The following RABGAP1L variants were observed in gnomAD, a reference collection of about 807,000 sequenced individuals.
The protein encoded by RABGAP1L is rab GTPase-activating protein 1-like.
RABGAP1L carries 63 observed loss-of-function variants against 137.7 expected under a neutral mutation model. The ratio of observed to expected loss-of-function variants is 0.46; its 90% CI spans 0.37 to 0.56. RABGAP1L has a LOEUF of 0.56. RABGAP1L is among the 20% of genes least tolerant of loss of function. The probability of loss-of-function intolerance (pLI) is 0.00; values close to 1 mark genes in which losing one functional copy is unlikely to be tolerated. For missense variants in RABGAP1L, 1,095 were observed against 1,244.0 expected (o/e 0.88, Z 1.80); for synonymous variants, 431 against 433.7 (o/e 0.99, Z 0.08).
chr1:174,500,672 A>G (rs1270895673), intron 13 of RABGAP1L, among the ~76,000 whole-genome samples: 2 of 152,214 alleles, frequency 1.3e-5, no homozygotes, highest in Admixed American at 6.5e-5. Context: ...TTAAGTGTCT[A>G]TATGACAAGT....
intron 19 of RABGAP1L, among the ~76,000 whole-genome samples, chr1:174,953,035 C>CAAAAAAAAA (rs34788853): frequency 4.1e-5 from 4 of 97,342 alleles, no homozygotes; most frequent in Non-Finnish European, 6.5e-5. Context: ...GGGTGGCATG[C>CAAAAAAAAA]AAAAAAAAAA....
intron 13 of RABGAP1L, among the ~76,000 whole-genome samples, chr1:174,425,708 A>G (rs536297174): frequency 3.9e-5 from 6 of 152,182 alleles, no homozygotes; most frequent in Admixed American, 1.3e-4. Context: ...TTTTCCATTA[A>G]TACAGTGTAT....
chr1:174,390,156 T>C (rs939776615), intron 12 of RABGAP1L, among the ~76,000 whole-genome samples: 2 of 152,202 alleles, frequency 1.3e-5, no homozygotes, highest in Non-Finnish European at 2.9e-5. Context: ...TGCAGTATAA[T>C]TGCTGTACTG....
intron 13 of RABGAP1L, among the ~76,000 whole-genome samples, chr1:174,508,139 A>T (rs1479904460): frequency 6.6e-6 from 1 of 152,138 alleles, no homozygotes; most frequent in Non-Finnish European, 1.5e-5. Context: ...AAGTGATAAT[A>T]AAGACCCTTC....
At chr1:174,698,623 T>A (rs1285791343) in intron 15 of RABGAP1L, among the ~76,000 whole-genome samples, 1 of 152,160 alleles carries the variant, frequency 6.6e-6, no homozygotes, top group East Asian at 1.9e-4. Context: ...ATAGGAAACT[T>A]GTTAAATGAG....
intron 13 of RABGAP1L, among the ~76,000 whole-genome samples, chr1:174,552,452 G>A (rs1212098172): frequency 6.6e-6 from 1 of 152,016 alleles, no homozygotes; most frequent in African/African-American, 2.4e-5. Flanking sequence ...TGTTAGTTTA[G>A]TAAGGATAAT....
chr1:174,165,222 C>T (rs541826662), intron 1 of RABGAP1L, among the ~76,000 whole-genome samples: 2 of 152,212 alleles, frequency 1.3e-5, no homozygotes, highest in Non-Finnish European at 2.9e-5. Context: ...AATCTCGGCT[C>T]ACTGCAACCT....
intron 19 of RABGAP1L, among the ~76,000 whole-genome samples, chr1:174,842,921 C>T (rs886823644): frequency 1.1e-4 from 17 of 151,804 alleles, no homozygotes; most frequent in Non-Finnish European, 1.9e-4. Flanking sequence ...GTTACTTTTT[C>T]GAAAGTTTCT....
chr1:174,432,145 T>A (rs1244273248), intron 13 of RABGAP1L, among the ~76,000 whole-genome samples: 3 of 152,166 alleles, frequency 2.0e-5, no homozygotes, highest in Non-Finnish European at 4.4e-5. Context: ...CAGCATCTAT[T>A]GTTGCTATCT....
chr1:174,418,876 G>A (rs1571710653), intron 13 of RABGAP1L, among the ~76,000 whole-genome samples: 1 of 151,836 alleles, frequency 6.6e-6, no homozygotes, highest in African/African-American at 2.4e-5. Flanking sequence ...CTGTCTCTAC[G>A]AAAATGCAAA....
intron 17 of RABGAP1L, among the ~76,000 whole-genome samples, chr1:174,748,411 C>T (rs540713317): frequency 3.1e-4 from 47 of 152,252 alleles, no homozygotes; most frequent in Non-Finnish European, 5.1e-4. Flanking sequence ...TGTTACTAAA[C>T]ACATATGTAA....
chr1:174,904,790 A>C (rs1558214671), intron 19 of RABGAP1L, among the ~76,000 whole-genome samples: 1 of 152,056 alleles, frequency 6.6e-6, no homozygotes. Context: ...TTGGGACTAC[A>C]GGTGGGTGCC....
At chr1:174,915,839 C>T (rs1180110254) in intron 19 of RABGAP1L, among the ~76,000 whole-genome samples, 1 of 152,102 alleles carries the variant, frequency 6.6e-6, no homozygotes, top group Non-Finnish European at 1.5e-5. Context: ...TCCTTTATGA[C>T]ATATATGATT....
chr1:174,383,512 G>T (rs1369121049), intron 12 of RABGAP1L, among the ~76,000 whole-genome samples: 1 of 152,170 alleles, frequency 6.6e-6, no homozygotes, highest in Non-Finnish European at 1.5e-5. Flanking sequence ...TTTTAAGCCG[G>T]TCTGGAAAGG....
At chr1:174,318,592 CT>C (rs1318948202) in intron 11 of RABGAP1L, among the ~76,000 whole-genome samples, 1 of 136,052 alleles carries the variant, frequency 7.4e-6, no homozygotes, top group Non-Finnish European at 1.5e-5. Context: ...TTCTTTCTTT[CT>C]TTCTTTCTTT....
intron 13 of RABGAP1L, among the ~76,000 whole-genome samples, chr1:174,476,958 C>T (rs991033838): frequency 1.3e-5 from 2 of 152,122 alleles, no homozygotes; most frequent in African/African-American, 4.8e-5. Context: ...ATGTGTTCTT[C>T]ATTAAATTTA....
In RABGAP1L at chr1:174,703,868, C is replaced by T. The variant is rs140397877; in HGVS notation, c.2169+1612C>T. On this transcript the variant is annotated intron_variant, in intron 17 of 25. Coordinates refer to ENST00000681986, the MANE Select transcript of RABGAP1L (RefSeq NM_001366446.1). ...AACATTTTTTCATATGCTCATTGGC[C>T]ATTTGTATATCTTCTTTTGAAAAAT... Among the ~76,000 whole-genome samples the T allele has an allele frequency of 1.3e-3, 202 of 152,214 alleles. 1 individual carries two copies. In the Middle Eastern group the frequency reaches 0.014, roughly 10 times the overall value.
chr1:174,510,604 G>T (rs1662243191), intron 13 of RABGAP1L, among the ~76,000 whole-genome samples: 1 of 152,128 alleles, frequency 6.6e-6, no homozygotes, highest in Non-Finnish European at 1.5e-5. Flanking sequence ...TGGATAGAGG[G>T]ACTTGGTTTA....
chr1:174,688,388 T>C (rs1230895152), intron 15 of RABGAP1L, among the ~76,000 whole-genome samples: 1 of 152,128 alleles, frequency 6.6e-6, no homozygotes, highest in East Asian at 1.9e-4. Context: ...TATACTAATA[T>C]TGGCATTTAT....
Sources: gnomAD v4.1 joint callset for allele counts (sites outside exome capture counted in the v4.1 genomes callset) on GRCh38, gnomAD v4.1.1 for gene constraint, MANE v1.5 for transcripts, NCBI Gene and HGNC (gene_info 2026-07-23, HGNC 2026-07-21) for gene names.